The following CTSV variants were observed in gnomAD, a reference collection of about 807,000 sequenced individuals.
CTSV encodes cathepsin L2.
CTSV carries 33 observed loss-of-function variants against 35.6 expected under a neutral mutation model. The observed-to-expected ratio is 0.93, with a 90% CI of 0.70 to 1.24. CTSV has a LOEUF of 1.24. CTSV is among the 50% of genes most tolerant of loss of function. The pLI is 0.00. For synonymous variants in CTSV, 154 were observed against 147.1 expected, an observed-to-expected ratio of 1.05 and a Z score of -0.34; for missense variants, 408 against 413.1, an observed-to-expected ratio of 0.99 and a Z score of 0.11.
rs1384327224 is a variant in CTSV, at chr9:97,030,647, C to A, written c.*2302G>T. The A allele has an allele frequency of 6.6e-6, 1 of 152,180 alleles. No individual in the cohort carries two copies. Among genetic ancestry groups the A allele is most frequent in the Non-Finnish European group, 1.5e-5 (1 of 68,038 alleles). 9.4% of individuals were successfully genotyped at this position (152,180 alleles called of 1,614,324 possible). A position where few individuals can be genotyped will look rare whatever the true frequency, so the allele number is the denominator to read the frequency against. ...AGATTATAGATTAACTAAAAGTATT[C>A]CTTCCCAAACGAAACAAAGGCATGG... On this transcript the variant is annotated 3_prime_UTR_variant, in exon 8 of 8. Transcript: ENST00000259470.
Position 97,037,587 on chromosome 9 carries a change from C to T in CTSV, c.155G>A (p.Trp52Ter). 1 of 1,614,082 alleles carries T rather than the reference C, an allele frequency of 6.2e-7. No individual in the cohort carries two copies. Among genetic ancestry groups the T allele is most frequent in the Non-Finnish European group, 8.5e-7 (1 of 1,180,008 alleles). Reference sequence around the variant, plus strand: ...TTCAATCATTTTCATATTCTTTTCCCACACTGCTCTCCTCCATCCTTCTTC... The same window carrying T: ...TTCAATCATTTTCATATTCTTTTCCTACACTGCTCTCCTCCATCCTTCTTC... ...ANEEGWRRAV[W>*]EKNMKMIELH... Residue 52 changes from tryptophan (W) to a stop codon, truncating the protein, a stop_gained, in exon 3 of 8, where the codon TGG (tryptophan) becomes TAG (stop). Transcript: ENST00000259470. LOFTEE classifies it high-confidence loss of function.
chr9:97,033,082 G>T, intron 7 of CTSV, 34 bp from the exon 8 acceptor site: 1 of 1,448,126 alleles, frequency 6.9e-7, no homozygotes, highest in Non-Finnish European at 9.6e-7. Context: ...TTTTATACAA[G>T]GAATCAAGGG....
intron 6 of CTSV, 37 bp downstream of exon 6, chr9:97,035,491 A>C (rs1241599694): frequency 1.4e-6 from 2 of 1,419,746 alleles, no homozygotes; most frequent in Non-Finnish European, 1.9e-6. Context: ...GATGCTTCCC[A>C]ATTCTGCCTA....
Position 97,037,279 on chromosome 9 carries a change from T to C in CTSV, c.369A>G (p.Lys123=). ...GATTCTTCACTGGCGTCACGTAGCC[T>C]TTCTTTCTCCAATCCACAGATTTGG... The part of the protein sequence containing the change: ...DLPKSVDWRK[K]GYVTPVKNQK... The change falls in exon 4 of 8, where the codon AAA becomes AAG. Residue 123 remains lysine (K), a synonymous_variant. Transcript: ENST00000259470. 1 of 1,614,180 alleles carries C rather than the reference T, an allele frequency of 6.2e-7. No individual in the cohort carries two copies. Among genetic ancestry groups the C allele is most frequent in the Non-Finnish European group, 8.5e-7 (1 of 1,180,002 alleles).
intron 4 of CTSV, 92 bp from the exon 5 acceptor site, chr9:97,036,839 A>AAC: frequency 8.2e-7 from 1 of 1,219,266 alleles, no homozygotes; most frequent in East Asian, 2.6e-5. Context: ...CTTTAAAAAA[A>AAC]AAAAAAACCC....
rs915065186 is a variant in CTSV, at chr9:97,029,685, T to C, written c.*3264A>G. ...TGCAGAACAAGAACACGTTGCAGCTTAGTAATAGTTTTACTTATTAACTTA... is the reference window on the plus strand; with the variant it reads ...TGCAGAACAAGAACACGTTGCAGCTCAGTAATAGTTTTACTTATTAACTTA... On this transcript the variant is annotated 3_prime_UTR_variant, in exon 8 of 8. Coordinates refer to ENST00000259470, the MANE Select transcript of CTSV (RefSeq NM_001333.4). The C allele has an allele frequency of 2.0e-5, 3 of 152,264 alleles. No individual in the cohort carries two copies. The highest frequency in any genetic ancestry group is 7.2e-5 in the African/African-American group (3 of 41,478). 9.4% of individuals were successfully genotyped at this position (152,264 alleles called of 1,614,324 possible). A position where few individuals can be genotyped will look rare whatever the true frequency, so the allele number is the denominator to read the frequency against.
Position 97,029,863 on chromosome 9 carries a change from T to C in CTSV, c.*3086A>G, listed in dbSNP as rs1044672952. 1 of 152,222 alleles carries C rather than the reference T, an allele frequency of 6.6e-6. No homozygotes were observed. Among genetic ancestry groups the C allele is most frequent in the Non-Finnish European group, 1.5e-5 (1 of 68,034 alleles). 9.4% of individuals were successfully genotyped at this position (152,222 alleles called of 1,614,324 possible). On this transcript the variant is annotated 3_prime_UTR_variant, in exon 8 of 8. Transcript: ENST00000259470. ...CCTATATTTTTACTGTACTTTTCTG[T>C]TCAGATACACGAATACTTACCACTG...
chr9:97,035,049 T>A (rs887583019), intron 6 of CTSV, among the ~76,000 whole-genome samples: 1 of 152,132 alleles, frequency 6.6e-6, no homozygotes, highest in African/African-American at 2.4e-5. Flanking sequence ...AGAAATCAAC[T>A]AACTTCAACT....
rs372363372 is a variant in CTSV, at chr9:97,035,630, C to A, written c.685G>T (p.Ala229Ser). The A allele has an allele frequency of 4.1e-5, 65 of 1,602,670 alleles. No homozygotes were observed. The highest frequency in any genetic ancestry group is 5.4e-5 in the Non-Finnish European group (63 of 1,173,810). The change falls in exon 6 of 8, where the codon GCA (alanine) becomes TCA (serine). Residue 229 changes from alanine to serine, a missense_variant. Physicochemically the swap from Ala to Ser is moderately conservative, Grantham distance 99. Coordinates refer to ENST00000259470, the MANE Select transcript of CTSV (RefSeq NM_001333.4). ...ATCAGGGCCTTCTCCTTTCCAGGTGCGACCACTGTGAAGCCAGTGTCATTA... is the reference window on the plus strand; with the variant it reads ...ATCAGGGCCTTCTCCTTTCCAGGTGAGACCACTGTGAAGCCAGTGTCATTA... ...VANDTGFTVVAPGKEKALMKA... is the reference protein window; with the variant it reads ...VANDTGFTVVSPGKEKALMKA...
intron 4 of CTSV, among the ~76,000 whole-genome samples, 176 bp from the exon 5 acceptor site, chr9:97,036,923 G>C (rs1319879785): frequency 6.6e-6 from 1 of 151,862 alleles, no homozygotes; most frequent in Non-Finnish European, 1.5e-5. Flanking sequence ...TGGCCAACAT[G>C]GTGAAACCCT....
In CTSV at chr9:97,036,419, C is replaced by T. The variant is rs1236107035; in HGVS notation, c.621+104G>A. Reference sequence around the variant, plus strand: ...TACTCACGGTTTGCAGATGTAGATTCTACCATATAAAATGTGAATTCTGAA... The same window carrying T: ...TACTCACGGTTTGCAGATGTAGATTTTACCATATAAAATGTGAATTCTGAA... On this transcript the variant is annotated intron_variant, in intron 5 of 7. Transcript: ENST00000259470. 3 of 849,664 alleles carry T rather than the reference C, an allele frequency of 3.5e-6. No individual in the cohort carries two copies. In the East Asian group the frequency reaches 7.9e-5, roughly 22 times the overall value. 52.6% of individuals were successfully genotyped at this position (849,664 alleles called of 1,614,324 possible).
rs1211033898 is a variant in CTSV, at chr9:97,031,979, G to C, written c.*970C>G. On this transcript the variant is annotated 3_prime_UTR_variant, in exon 8 of 8. Transcript: ENST00000259470. ...CTGCGTCTTCCTCAGACTGCAAAGTGGTCACCAGCAATTCAGAGAGGCTCC... is the reference window on the plus strand; with the variant it reads ...CTGCGTCTTCCTCAGACTGCAAAGTCGTCACCAGCAATTCAGAGAGGCTCC... The C allele has an allele frequency of 6.6e-6, 1 of 152,190 alleles. No individual in the cohort carries two copies. Among genetic ancestry groups the C allele is most frequent in the Non-Finnish European group, 1.5e-5 (1 of 68,052 alleles). The allele number at this position is 152,190 out of a possible 1,614,324, so 9.4% of individuals were successfully genotyped here.
Position 97,030,853 on chromosome 9 carries a change from C to A in CTSV, c.*2096G>T, listed in dbSNP as rs1828733156. The A allele has an allele frequency of 6.6e-6, 1 of 152,168 alleles. No individual in the cohort carries two copies. Among genetic ancestry groups the A allele is most frequent in the African/African-American group, 2.4e-5 (1 of 41,432 alleles). 9.4% of individuals were successfully genotyped at this position (152,168 alleles called of 1,614,324 possible). A position where few individuals can be genotyped will look rare whatever the true frequency, so the allele number is the denominator to read the frequency against. ...TGGCCATCATGAACCTGTCACAGTA[C>A]TGCAGAGATTTTGTTTATGGCCAGA... On this transcript the variant is annotated 3_prime_UTR_variant, in exon 8 of 8. Coordinates refer to ENST00000259470, the MANE Select transcript of CTSV (RefSeq NM_001333.4).
At position 97,037,921 on chromosome 9, in the gene CTSV, G is replaced by A. The variant is rs1424331930; in HGVS notation, c.123C>T (p.Gly41=). 8.1e-6 allele frequency: 13 copies of A among 1,613,676 alleles called. No homozygotes were observed. Among genetic ancestry groups the A allele is most frequent in the African/African-American group, 8.0e-5 (6 of 74,842 alleles). Residue 41 remains glycine (G), a synonymous_variant, in exon 2 of 8, where the codon GGC becomes GGT. Coordinates refer to ENST00000259470, the MANE Select transcript of CTSV (RefSeq NM_001333.4). ...GACAGTTTCAGATGTTACCAACCGC[G>A]CCATATAATCTTCTGTGTGTTGCCT... ...QWKATHRRLY[G]ANEEGWRRAV...
rs1828818667 is a variant in CTSV, at chr9:97,034,828, G to A, written c.803C>T (p.Pro268Leu). 1.9e-6 allele frequency: 3 copies of A among 1,613,884 alleles called. No homozygotes were observed. The highest frequency in any genetic ancestry group is 4.5e-5 in the East Asian group (2 of 44,886). Residue 268 changes from proline (P) to leucine (L), a missense_variant, in exon 7 of 8, where the codon CCA becomes CTA. Pro to Leu is a moderately conservative substitution (Grantham distance 98, BLOSUM62 -3). Transcript: ENST00000259470. ...QFYKSGIYFEPDCSSKNLDHG... is the reference protein window; with the variant it reads ...QFYKSGIYFELDCSSKNLDHG... The stretch of plus-strand genomic sequence containing the variant: ...ATCCAGGTTTTTGCTGCTGCAGTCT[G>A]GTTCAAAATAAATGCCTGGGAGAGT...
chr9:97,038,706 C>A (rs1828901247), intron 1 of CTSV, among the ~76,000 whole-genome samples: 1 of 152,152 alleles, frequency 6.6e-6, no homozygotes, highest in Non-Finnish European at 1.5e-5. Flanking sequence ...GAGCTCCGGG[C>A]GGGCCAGGAC....
chr9:97,035,618 C>A lies in CTSV; in HGVS notation c.697G>T (p.Glu233Ter). 6.2e-7 allele frequency: 1 copy of A among 1,606,152 alleles called. No homozygotes were observed. Among genetic ancestry groups the A allele is most frequent in the Non-Finnish European group, 8.5e-7 (1 of 1,175,596 alleles). Residue 233 changes from glutamate to a stop codon, truncating the protein, a stop_gained, in exon 6 of 8, where the codon GAG becomes TAG. Transcript: ENST00000259470. LOFTEE classifies it high-confidence loss of function. ...GCGACTGCTTTCATCAGGGCCTTCT[C>A]CTTTCCAGGTGCGACCACTGTGAAG... The part of the protein sequence containing the change: ...TGFTVVAPGK[E>*]KALMKAVATV...
At position 97,032,689 on chromosome 9, in the gene CTSV, T is replaced by C; in HGVS notation, c.*260A>G. ...GAATTAAAATTTATTTCAAACTGTT[T>C]TGTACATCTTTTTAAAAAATGAAAA... On this transcript the variant is annotated 3_prime_UTR_variant, in exon 8 of 8. Coordinates refer to ENST00000259470, the MANE Select transcript of CTSV (RefSeq NM_001333.4). 2.8e-6 allele frequency: 1 copy of C among 352,620 alleles called. No homozygotes were observed. 21.8% of individuals were successfully genotyped at this position (352,620 alleles called of 1,614,324 possible).
At chr9:97,036,495 G>T in intron 5 of CTSV, 28 bp downstream of exon 5, 1 of 1,530,120 alleles carries the variant, frequency 6.5e-7, no homozygotes, top group Non-Finnish European at 9.1e-7. Flanking sequence ...AGCAGAGCAC[G>T]AATGACAAGA....
Sources: gnomAD v4.1 joint callset for allele counts (sites outside exome capture counted in the v4.1 genomes callset) on GRCh38, gnomAD v4.1.1 for gene constraint, MANE v1.5 for transcripts, NCBI Gene and HGNC (gene_info 2026-07-23, HGNC 2026-07-21) for gene names.